The following IL16 variants were observed in gnomAD, a reference collection of about 807,000 sequenced individuals.
IL16 encodes pro-interleukin-16.
IL16 carries 67 observed loss-of-function variants against 110.1 expected under a neutral mutation model. The ratio of observed to expected loss-of-function variants is 0.61; its 90% CI spans 0.50 to 0.75. The LOEUF (loss-of-function observed/expected upper bound fraction) is 0.75, where lower values mean the gene tolerates loss of function less well. IL16 is among the 30% of genes least tolerant of loss of function. The pLI is 0.00. For synonymous variants in IL16, 689 were observed against 662.9 expected, an observed-to-expected ratio of 1.04 and a Z score of -0.61; for missense variants, 1,545 against 1,655.0, an observed-to-expected ratio of 0.93 and a Z score of 1.15.
rs1407409257 is a variant in IL16 at position 81,311,947 on chromosome 15, G to GAGAC, written c.*3152_*3155dup. 3 of 152,212 alleles carry GAGAC rather than the reference G, an allele frequency of 2.0e-5. No individual in the cohort carries two copies. The highest frequency in any genetic ancestry group is 2.9e-5 in the Non-Finnish European group (2 of 68,030). 9.4% of individuals were successfully genotyped at this position (152,212 alleles called of 1,614,324 possible). ...CTTGCTCACATCTTGGCACATTTAA[G>GAGAC]AGACAGTCACCCCAGGACTCAAAAA... On this transcript the variant is annotated 3_prime_UTR_variant, in exon 19 of 19. Transcript: ENST00000683961.
chr15:81,215,705 C>T (rs1896401387), intron 1 of IL16, among the ~76,000 whole-genome samples: 1 of 152,192 alleles, frequency 6.6e-6, no homozygotes, highest in Non-Finnish European at 1.5e-5. Context: ...TGGAGGGAGG[C>T]ATAGCTTGTT....
chr15:81,233,204 G>T (rs1897067962), intron 2 of IL16, among the ~76,000 whole-genome samples: 1 of 152,060 alleles, frequency 6.6e-6, no homozygotes, highest in Non-Finnish European at 1.5e-5. Flanking sequence ...AGATTTACAT[G>T]AAGTTGTAAA....
In IL16 at chr15:81,306,015, T is replaced by C. The variant is rs1464182854; in HGVS notation, c.3528T>C (p.His1176=). Residue 1176 remains histidine, a synonymous_variant, in exon 17 of 19, where the codon CAT becomes CAC. Coordinates refer to ENST00000683961, the MANE Select transcript of IL16 (RefSeq NM_172217.5). ...AGTCTCTCAAGGGGACCACGCACCA[T>C]GATGCCTTGGCCATCCTCCGCCAAG... ...NGKSLKGTTH[H]DALAILRQAR... The C allele has an allele frequency of 6.2e-7, 1 of 1,614,242 alleles. No homozygotes were observed. The highest frequency in any genetic ancestry group is 8.5e-7 in the Non-Finnish European group (1 of 1,180,036).
intron 1 of IL16, among the ~76,000 whole-genome samples, chr15:81,199,033 ATATATATATATATAT>A (rs1895713221): frequency 3.4e-5 from 3 of 88,188 alleles, no homozygotes; most frequent in African/African-American, 1.8e-4. Flanking sequence ...AAAAAAAAAT[ATATATATATATATAT>A]ATATATATAT....
chr15:81,199,060 T>TATATATAA (rs1305489471), intron 1 of IL16, among the ~76,000 whole-genome samples: 1 of 140,704 alleles, frequency 7.1e-6, no homozygotes, highest in African/African-American at 2.6e-5. Context: ...TATATATATA[T>TATATATAA]AAAATACATA....
At chr15:81,247,458 T>A (rs574367576) in intron 2 of IL16, among the ~76,000 whole-genome samples, 1 of 152,350 alleles carries the variant, frequency 6.6e-6, no homozygotes, top group African/African-American at 2.4e-5. Flanking sequence ...TTTTCAAATA[T>A]GTAGTTATTT....
chr15:81,256,593 T>A (rs150277580), intron 2 of IL16, among the ~76,000 whole-genome samples: 1 of 152,192 alleles, frequency 6.6e-6, no homozygotes, highest in East Asian at 1.9e-4. Flanking sequence ...AACCCCCCAA[T>A]TTGGCCTCCC....
rs191318676 is a variant in IL16, at chr15:81,294,667, G to C, written c.1902+1630G>C. On this transcript the variant is annotated intron_variant, in intron 12 of 18. Transcript: ENST00000683961. ...GGCCGTTCTGCAGCTGCCCTCCTCT[G>C]TTTGCTCTGGTCTGTCCCACGTGGC... Among the ~76,000 whole-genome samples, 7 of 152,240 alleles carry C rather than the reference G, an allele frequency of 4.6e-5. No homozygotes were observed. The East Asian group carries it at 1.2e-3, about 25-fold the overall frequency.
At chr15:81,293,431 G>A (rs558311328) in intron 12 of IL16, among the ~76,000 whole-genome samples, 20 of 152,258 alleles carry the variant, frequency 1.3e-4, no homozygotes, top group Middle Eastern at 3.4e-3. Context: ...GGCCTGGCAC[G>A]GTGGCTCATG....
At chr15:81,259,011 G>A (rs1190572363) in intron 2 of IL16, among the ~76,000 whole-genome samples, 2 of 152,078 alleles carry the variant, frequency 1.3e-5, no homozygotes, top group Admixed American at 6.6e-5. Context: ...AGGATGAGGA[G>A]AGATATATAA....
Position 81,189,284 on chromosome 15 carries a change from C to T in IL16, c.40+6388C>T, listed in dbSNP as rs183130948. ...GATTACAGGAGCCTGCCATCGTGCC[C>T]GGCTAAGTTTTGTATTTTTAGTACA... On this transcript the variant is annotated intron_variant, in intron 1 of 18. Coordinates refer to the IL16 transcript ENST00000302987. 6.6e-5 allele frequency among the ~76,000 whole-genome samples: 10 copies of T among 152,050 alleles called. No individual in the cohort carries two copies. In the East Asian group the frequency reaches 1.6e-3, roughly 24 times the overall value.
chr15:81,208,352 T>C (rs1434002182), intron 1 of IL16, among the ~76,000 whole-genome samples: 1 of 152,250 alleles, frequency 6.6e-6, no homozygotes. Context: ...ATAGTTTCTT[T>C]TGCTGTGCAG....
intron 2 of IL16, among the ~76,000 whole-genome samples, chr15:81,226,541 A>G (rs1016036765): frequency 9.2e-5 from 14 of 152,226 alleles, no homozygotes; most frequent in Non-Finnish European, 1.3e-4. Context: ...ATGCATTTAA[A>G]TAGGGAAGAC....
chr15:81,301,360 G>C lies in IL16; in HGVS notation c.3166G>C (p.Glu1056Gln). 1 of 1,608,604 alleles carries C rather than the reference G, an allele frequency of 6.2e-7. No homozygotes were observed. The highest frequency in any genetic ancestry group is 8.5e-7 in the Non-Finnish European group (1 of 1,178,642). ...TTATGAAAGCCTTTCAGAGCTGAGA[G>C]AATATACAGAGGGTCTCACGGAAGC... ...GFSLNLSELR[E>Q]YTEGLTEAKE... The change falls in exon 15 of 19, where the codon GAA (glutamate) becomes CAA (glutamine). Residue 1056 changes from glutamate (E) to glutamine (Q), a missense_variant. By Grantham distance (29) the Glu-to-Gln change is conservative (BLOSUM62 2). Around this residue, in one of 3 missense-constraint regions of IL16, gnomAD observed 356 missense variants for 399.3 expected, o/e 0.89. Transcript: ENST00000683961.
chr15:81,197,006 C>T lies in IL16; in HGVS notation c.-248C>T, dbSNP rs1429951902. ...CCGTCTGAGAACTGAGCGTCCATTT[C>T]TCAATCCTTGCCGGCTCTGACCCAG... On this transcript the variant is annotated 5_prime_UTR_variant, in exon 1 of 19. Coordinates refer to ENST00000683961, the MANE Select transcript of IL16 (RefSeq NM_172217.5). The T allele has an allele frequency of 7.8e-7, 1 of 1,285,620 alleles. No individual in the cohort carries two copies. Among genetic ancestry groups the T allele is most frequent in the Non-Finnish European group, 1.0e-6 (1 of 987,728 alleles). 79.6% of individuals were successfully genotyped at this position (1,285,620 alleles called of 1,614,324 possible).
chr15:81,220,941 C>G (rs1896595162), intron 1 of IL16, among the ~76,000 whole-genome samples: 1 of 152,150 alleles, frequency 6.6e-6, no homozygotes, highest in Non-Finnish European at 1.5e-5. Flanking sequence ...CAATTCAGCT[C>G]TATCCTTTTG....
chr15:81,204,832 G>GACATTCAGGGGACTGAAAAGGTT (rs1272181818), intron 1 of IL16, among the ~76,000 whole-genome samples: 19 of 152,072 alleles, frequency 1.2e-4, no homozygotes, highest in African/African-American at 4.1e-4. Context: ...GAGCGCATGG[G>GACATTCAGGGGACTGAAAAGGTT]ACATTCAGGG....
At position 81,300,176 on chromosome 15, in the gene IL16, G is replaced by C. The variant is rs760970110; in HGVS notation, c.2850G>C (p.Glu950Asp). The C allele has an allele frequency of 6.2e-7, 1 of 1,614,018 alleles. No individual in the cohort carries two copies. The highest frequency in any genetic ancestry group is 8.5e-7 in the Non-Finnish European group (1 of 1,180,036). The change falls in exon 14 of 19, where the codon GAG becomes GAC. Residue 950 changes from glutamate to aspartate, a missense_variant. By Grantham distance (45) the Glu-to-Asp change is conservative. This residue lies in a region of IL16 where 1,185 missense variants were observed against 1,238.8 expected (regional missense o/e 0.96). Transcript: ENST00000683961. ...TAAGGCTGCTGTCAACACAGGCTGA[G>C]GAATCTCAAGGCCCAGTGCTCAAGA... ...PLLRLLSTQA[E>D]ESQGPVLKMP...
At chr15:81,197,845 C>T (rs1895656291) in intron 1 of IL16, among the ~76,000 whole-genome samples, 1 of 152,020 alleles carries the variant, frequency 6.6e-6, no homozygotes, top group South Asian at 2.1e-4. Context: ...TCCTCCTGCC[C>T]TTATCAGGTG....
Sources: allele counts gnomAD v4.1 joint callset (sites outside exome capture counted in the v4.1 genomes callset), GRCh38; gene constraint gnomAD v4.1.1; regional missense constraint gnomAD v4.1.1; transcripts MANE v1.5; gene names NCBI Gene and HGNC (gene_info 2026-07-23, HGNC 2026-07-21).